The following TET1 variants were observed in gnomAD, a reference collection of about 807,000 sequenced individuals.
TET1 encodes the protein methylcytosine dioxygenase TET1.
A neutral mutation model predicts 148.7 loss-of-function variants in TET1; 13 were observed. That is an observed-to-expected ratio of 0.09 (90% confidence interval 0.06 to 0.14). The LOEUF (loss-of-function observed/expected upper bound fraction) is 0.14, where lower values mean the gene tolerates loss of function less well. Among genes scored for constraint, TET1 ranks in the 10% least tolerant of loss-of-function variants. The pLI is 1.00. For synonymous variants in TET1, 907 were observed against 937.2 expected (o/e 0.97, Z 0.59); for missense variants, 2,182 against 2,553.8 (o/e 0.85, Z 3.14).
chr10:68,589,643 T>G (rs2053896799), intron 2 of TET1, among the ~76,000 whole-genome samples: 1 of 147,288 alleles, frequency 6.8e-6, no homozygotes, highest in Non-Finnish European at 1.5e-5. Flanking sequence ...CAAAATACTG[T>G]GCTCGGTTAA....
intron 3 of TET1, among the ~76,000 whole-genome samples, chr10:68,611,332 T>C (rs2664425): frequency 0.59 from 89,435 of 151,456 alleles, 26,501 homozygotes; most frequent in Middle Eastern, 0.62. Context: ...TGGATTTCAG[T>C]CAGGTGCAGT....
chr10:68,620,379 T>A (rs2054353091), intron 3 of TET1, among the ~76,000 whole-genome samples: 1 of 152,206 alleles, frequency 6.6e-6, no homozygotes, highest in African/African-American at 2.4e-5. Flanking sequence ...TCTCTGGATT[T>A]GCCTATTCCA....
At chr10:68,647,622 G>T (rs371609490) in intron 4 of TET1, among the ~76,000 whole-genome samples, 12 of 143,606 alleles carry the variant, frequency 8.4e-5, no homozygotes, top group African/African-American at 2.4e-4. Flanking sequence ...AAGAAAGAAA[G>T]AAATAACTTA....
intron 7 of TET1, among the ~76,000 whole-genome samples, chr10:68,672,510 A>AAAAAAAC (rs1564504100): frequency 1.0e-4 from 15 of 144,538 alleles, no homozygotes; most frequent in African/African-American, 3.9e-4. Flanking sequence ...AAAAAAAAAA[A>AAAAAAAC]ACACCAAAAA....
At chr10:68,659,830 A>C (rs563234732) in intron 6 of TET1, among the ~76,000 whole-genome samples, 3 of 152,328 alleles carry the variant, frequency 2.0e-5, no homozygotes, top group Admixed American at 6.5e-5. Context: ...CTATGTGACC[A>C]GTGGCCAGAT....
chr10:68,596,793 C>G lies in TET1; in HGVS notation c.1915-4188C>G, dbSNP rs10128265. The stretch of plus-strand genomic sequence containing the variant: ...AACTTTCATATATAGCTAGGATGAG[C>G]CTTGGCTTTATTTATTATCCAATTT... On this transcript the variant is annotated intron_variant, in intron 2 of 11. Transcript: ENST00000373644. 3.7e-3 allele frequency among the ~76,000 whole-genome samples: 564 copies of G among 152,178 alleles called. 4 individuals carry two copies. The highest frequency in any genetic ancestry group is 0.013 in the African/African-American group (535 of 41,514).
intron 6 of TET1, among the ~76,000 whole-genome samples, chr10:68,657,403 C>T (rs1170059907): frequency 6.6e-6 from 1 of 152,140 alleles, no homozygotes; most frequent in African/African-American, 2.4e-5. Context: ...GTCTCGATCT[C>T]CCGACCTCGT....
chr10:68,690,356 C>G (rs989030148), intron 11 of TET1, among the ~76,000 whole-genome samples: 1 of 152,090 alleles, frequency 6.6e-6, no homozygotes, highest in Non-Finnish European at 1.5e-5. Context: ...GCCTGTAATC[C>G]CAGCACTTTG....
rs1277168669 is a variant in TET1, at chr10:68,585,046, C to T, written c.1914+10794C>T. 2.0e-5 allele frequency among the ~76,000 whole-genome samples: 3 copies of T among 152,078 alleles called. No individual in the cohort carries two copies. In the East Asian group the frequency reaches 5.8e-4, roughly 30 times the overall value. Reference sequence around the variant, plus strand: ...CGAGTCAGAGTTTTGCTATTGTTGCCCAGTCTTGAGTGCAATGGCATGATC... The same window carrying T: ...CGAGTCAGAGTTTTGCTATTGTTGCTCAGTCTTGAGTGCAATGGCATGATC... On this transcript the variant is annotated intron_variant, in intron 2 of 11. Transcript: ENST00000373644.
intron 8 of TET1, chr10:68,674,227 G>C (rs1230864345): frequency 6.5e-6 from 1 of 153,606 alleles, no homozygotes; most frequent in African/African-American, 2.4e-5. Context: ...AGCTACTAAG[G>C]AGGCTGAGGT....
chr10:68,642,046 T>A (rs781167201), intron 3 of TET1, among the ~76,000 whole-genome samples: 2 of 152,252 alleles, frequency 1.3e-5, no homozygotes, highest in African/African-American at 2.4e-5. Flanking sequence ...AGTTTTCAAA[T>A]GTGTATACAC....
chr10:68,601,399 A>G (rs1589065970), intron 3 of TET1, among the ~76,000 whole-genome samples: 3 of 152,344 alleles, frequency 2.0e-5, no homozygotes, highest in East Asian at 3.9e-4. Flanking sequence ...GTTGACAGCT[A>G]TGATCCATTG....
rs186646755 is a variant in TET1, at chr10:68,661,832, C to A, written c.4462-5213C>A. ...TTTGTTAAAAAAACACACACACACACAAAAAACCAAGTATTGTGGGTTTTT... is the reference window on the plus strand; with the variant it reads ...TTTGTTAAAAAAACACACACACACAAAAAAAACCAAGTATTGTGGGTTTTT... On this transcript the variant is annotated intron_variant, in intron 6 of 11. Coordinates refer to ENST00000373644, the MANE Select transcript of TET1 (RefSeq NM_030625.3). 1.3e-3 allele frequency among the ~76,000 whole-genome samples: 199 copies of A among 150,956 alleles called. 3 individuals are homozygous for A. In the East Asian group the frequency reaches 0.025, roughly 19 times the overall value.
At chr10:68,688,842 A>C (rs773907015) in intron 11 of TET1, among the ~76,000 whole-genome samples, 13 of 152,204 alleles carry the variant, frequency 8.5e-5, no homozygotes, top group African/African-American at 1.2e-4. Flanking sequence ...AGGAAAAAAA[A>C]ATCATGAATT....
At chr10:68,668,788 G>A (rs930897745) in intron 7 of TET1, among the ~76,000 whole-genome samples, 18 of 152,084 alleles carry the variant, frequency 1.2e-4, no homozygotes, top group African/African-American at 4.1e-4. Flanking sequence ...GCCAGACCAG[G>A]CAACATAGTA....
intron 3 of TET1, among the ~76,000 whole-genome samples, chr10:68,617,502 C>G (rs1327327196): frequency 6.6e-6 from 1 of 151,986 alleles, no homozygotes; most frequent in Non-Finnish European, 1.5e-5. Context: ...TGTTAATTCT[C>G]TTTGGTTTTT....
At position 68,690,871 on chromosome 10, in the gene TET1, A is replaced by G; in HGVS notation, c.5468A>G (p.Lys1823Arg). 6.2e-7 allele frequency: 1 copy of G among 1,614,090 alleles called. No homozygotes were observed. Among genetic ancestry groups the G allele is most frequent in the Non-Finnish European group, 8.5e-7 (1 of 1,179,934 alleles). The change falls in exon 12 of 12, where the codon AAA becomes AGA. Residue 1823 changes from lysine to arginine, a missense_variant. Physicochemically the swap from Lys to Arg is conservative, Grantham distance 26 (BLOSUM62 2). Around this residue, in one of 11 missense-constraint regions of TET1, gnomAD observed 380 missense variants for 387.9 expected, o/e 0.98. Coordinates refer to ENST00000373644, the MANE Select transcript of TET1 (RefSeq NM_030625.3). ...KSETEPHFIL[K>R]SSDNTKTYSL... ...GAAACCGAACCCCATTTTATCTTAA[A>G]AAGTTCAGACAACACTAAAACTTAT...
At chr10:68,676,351 T>G (rs1193232335) in intron 8 of TET1, among the ~76,000 whole-genome samples, 1 of 135,514 alleles carries the variant, frequency 7.4e-6, no homozygotes, top group East Asian at 2.5e-4. Context: ...TGGCGCGATC[T>G]CATCTCACTG....
Position 68,693,667 on chromosome 10 carries a change from CAT to C in TET1, c.*1854_*1855del, listed in dbSNP as rs994908509. ...TGTGCCTTAGATTTCCGTTTTAAGA[CAT>C]GTATATTTTTGTGAGCCTAAGGTTT... On this transcript the variant is annotated 3_prime_UTR_variant, in exon 12 of 12. Transcript: ENST00000373644. 4.3e-6 allele frequency: 1 copy of C among 231,988 alleles called. No homozygotes were observed. The highest frequency in any genetic ancestry group is 2.2e-5 in the African/African-American group (1 of 45,252). 14.4% of individuals were successfully genotyped at this position (231,988 alleles called of 1,614,324 possible).
Sources: allele counts gnomAD v4.1 joint callset (sites outside exome capture counted in the v4.1 genomes callset), GRCh38; gene constraint gnomAD v4.1.1; regional missense constraint gnomAD v4.1.1; transcripts MANE v1.5; gene names NCBI Gene and HGNC (gene_info 2026-07-23, HGNC 2026-07-21).